Variants in NAALADL2 observed in about 807,000 individuals in gnomAD.
The protein encoded by NAALADL2 is N-acetylated alpha-linked acidic dipeptidase like 2.
A neutral mutation model predicts 87.2 loss-of-function variants in NAALADL2; 76 were observed. The observed-to-expected ratio is 0.87, with a 90% CI of 0.72 to 1.05. NAALADL2 has a LOEUF of 1.05. Ranked by LOEUF, NAALADL2 falls within the 50% of genes least tolerant of loss-of-function variation. NAALADL2 has a pLI of 0.00. For missense variants in NAALADL2, 1,089 were observed against 945.8 expected (o/e 1.15, Z -1.99); for synonymous variants, 354 against 331.0 (o/e 1.07, Z -0.75).
At chr3:174,691,592 T>C (rs1351738367) in intron 2 of NAALADL2, among the ~76,000 whole-genome samples, 1 of 152,116 alleles carries the variant, frequency 6.6e-6, no homozygotes, top group East Asian at 1.9e-4. Flanking sequence ...GGCAATTTCT[T>C]AAAATAAGAC....
At chr3:175,655,362 A>G (rs1245761631) in intron 11 of NAALADL2, 1 of 216,322 alleles carries the variant, frequency 4.6e-6, no homozygotes, top group African/African-American at 2.3e-5. Context: ...TATGTAGTTC[A>G]TAGGCAAGTT....
At position 175,807,468 on chromosome 3, in the gene NAALADL2, A is replaced by AATTG. The variant is rs1255015509; in HGVS notation, c.*4269_*4272dup. On this transcript the variant is annotated 3_prime_UTR_variant, in exon 14 of 14. Transcript: ENST00000454872. ...TCATGAGACATTCTGTGATATGTGT[A>AATTG]ATTGATTACTCCAAAAATTAAGCTT... 1 of 152,058 alleles carries AATTG rather than the reference A, an allele frequency of 6.6e-6. No individual in the cohort carries two copies. Among genetic ancestry groups the AATTG allele is most frequent in the East Asian group, 1.9e-4 (1 of 5,180 alleles). The allele number at this position is 152,058 out of a possible 1,614,324, so 9.4% of individuals were successfully genotyped here.
intron 1 of NAALADL2, among the ~76,000 whole-genome samples, chr3:174,529,080 G>A (rs2108435779): frequency 6.6e-6 from 1 of 152,244 alleles, no homozygotes; most frequent in Non-Finnish European, 1.5e-5. Context: ...CTGAGACAAG[G>A]CTAGTCCCTT....
intron 1 of NAALADL2, among the ~76,000 whole-genome samples, chr3:174,514,819 A>T (rs1407653492): frequency 6.6e-6 from 1 of 151,558 alleles, no homozygotes; most frequent in Non-Finnish European, 1.5e-5. Flanking sequence ...CTCAGTAAAA[A>T]CTCTTTCATC....
intron 11 of NAALADL2, chr3:175,676,523 C>T (rs1248660748): frequency 6.6e-6 from 1 of 151,998 alleles, no homozygotes; most frequent in African/African-American, 2.4e-5. Context: ...GAGTTGTTTT[C>T]TTCATGCAGA....
intron 7 of NAALADL2, among the ~76,000 whole-genome samples, chr3:175,465,255 A>T (rs76350689): frequency 2.6e-5 from 4 of 151,022 alleles, no homozygotes; most frequent in South Asian, 2.1e-4. Context: ...CTATCTCAAA[A>T]AAAAAAAAAA....
At chr3:174,589,397 T>G (rs1051722671) in intron 2 of NAALADL2, among the ~76,000 whole-genome samples, 2 of 151,952 alleles carry the variant, frequency 1.3e-5, no homozygotes, top group South Asian at 4.2e-4. Context: ...CAAGCCCCAG[T>G]GAGACCAACC....
At chr3:174,696,929 A>G (rs1009809023) in intron 2 of NAALADL2, among the ~76,000 whole-genome samples, 9 of 152,106 alleles carry the variant, frequency 5.9e-5, no homozygotes, top group African/African-American at 2.2e-4. Context: ...CAAGTGTAAA[A>G]TTCAAGGCAG....
intron 2 of NAALADL2, among the ~76,000 whole-genome samples, chr3:174,713,890 AAT>A (rs1730930232): frequency 6.6e-6 from 1 of 151,912 alleles, no homozygotes; most frequent in South Asian, 2.1e-4. Context: ...CTATGTCCTG[AAT>A]GGTATTGCCT....
intron 13 of NAALADL2, among the ~76,000 whole-genome samples, chr3:175,786,025 A>G (rs1233803109): frequency 1.3e-4 from 19 of 151,990 alleles, no homozygotes; most frequent in Admixed American, 5.9e-4. Context: ...GTTGAATATC[A>G]GCCCCCACTC....
intron 3 of NAALADL2, among the ~76,000 whole-genome samples, chr3:174,815,537 TGCTGCCTCA>T (rs1277579002): frequency 2.6e-5 from 4 of 152,200 alleles, no homozygotes; most frequent in Non-Finnish European, 5.9e-5. Flanking sequence ...TAAGTGATCC[TGCTGCCTCA>T]GCCTCTTGAG....
intron 1 of NAALADL2, among the ~76,000 whole-genome samples, chr3:174,471,598 T>A (rs995740853): frequency 2.0e-5 from 3 of 152,196 alleles, no homozygotes; most frequent in East Asian, 1.9e-4. Flanking sequence ...TTATATTAAT[T>A]GGTATGCATA....
At chr3:174,987,999 T>G (rs1315683428) in intron 1 of NAALADL2, among the ~76,000 whole-genome samples, 1 of 151,548 alleles carries the variant, frequency 6.6e-6, no homozygotes, top group Non-Finnish European at 1.5e-5. Flanking sequence ...TAGCAATGTA[T>G]TTGATAAACT....
At chr3:175,472,012 C>T (rs1241981722) in intron 9 of NAALADL2, among the ~76,000 whole-genome samples, 1 of 151,332 alleles carries the variant, frequency 6.6e-6, no homozygotes, top group Non-Finnish European at 1.5e-5. Context: ...AGAAGGTATA[C>T]AAAAATATAT....
chr3:174,982,962 TA>T (rs1191790450), intron 1 of NAALADL2, among the ~76,000 whole-genome samples: 2 of 152,166 alleles, frequency 1.3e-5, no homozygotes, highest in Non-Finnish European at 2.9e-5. Context: ...CACGCCTGGC[TA>T]ATTTTTTTGT....
intron 9 of NAALADL2, among the ~76,000 whole-genome samples, chr3:175,575,474 G>A (rs907982241): frequency 1.3e-5 from 2 of 151,780 alleles, no homozygotes; most frequent in African/African-American, 2.4e-5. Flanking sequence ...TAGTAGGGAC[G>A]AGCTTTCACC....
intron 9 of NAALADL2, among the ~76,000 whole-genome samples, chr3:175,513,948 C>A (rs1284495106): frequency 2.6e-5 from 4 of 152,200 alleles, no homozygotes; most frequent in Non-Finnish European, 5.9e-5. Context: ...CAAAGCTAGA[C>A]ATAAGAACCA....
intron 2 of NAALADL2, among the ~76,000 whole-genome samples, chr3:175,212,878 T>C (rs2109281269): frequency 6.6e-6 from 1 of 152,280 alleles, no homozygotes; most frequent in African/African-American, 2.4e-5. Context: ...ACGAGCCAGA[T>C]GCCAAGTTAT....
In NAALADL2 at chr3:174,620,752, G is replaced by A. The variant is rs1347478045; in HGVS notation, c.-115+70115G>A. The stretch of plus-strand genomic sequence containing the variant: ...TGGTTATGAAAGTGATATTCAGTTG[G>A]GTGCACATAAATACTTATGTATTTT... On this transcript the variant is annotated intron_variant, in intron 2 of 3. Coordinates refer to the NAALADL2 transcript ENST00000434257. Among the ~76,000 whole-genome samples the A allele has an allele frequency of 2.6e-5, 4 of 151,882 alleles. No homozygotes were observed. The East Asian group carries it at 7.8e-4, about 29-fold the overall frequency.
Sources: gnomAD v4.1 joint callset for allele counts (sites outside exome capture counted in the v4.1 genomes callset) on GRCh38, gnomAD v4.1.1 for gene constraint, MANE v1.5 for transcripts, NCBI Gene and HGNC (gene_info 2026-07-23, HGNC 2026-07-21) for gene names.